Variants in FAF2 observed in about 807,000 individuals in gnomAD.
The protein encoded by FAF2 is FAS-associated factor 2.
In FAF2, 9 loss-of-function variants were observed where a neutral mutation model predicts 62.3. That is an observed-to-expected ratio of 0.14 (90% confidence interval 0.09 to 0.25). The LOEUF is 0.25. Among genes scored for constraint, FAF2 ranks in the 10% least tolerant of loss-of-function variants. The probability of loss-of-function intolerance (pLI) is 1.00; values close to 1 mark genes in which losing one functional copy is unlikely to be tolerated. For synonymous variants in FAF2, 202 were observed against 198.0 expected, an observed-to-expected ratio of 1.02 and a Z score of -0.17; for missense variants, 368 against 556.2, an observed-to-expected ratio of 0.66 and a Z score of 3.40.
rs1171847331 is a variant in FAF2, at chr5:176,508,179, T to C, written c.*1229T>C. On this transcript the variant is annotated 3_prime_UTR_variant, in exon 11 of 11. Coordinates refer to ENST00000261942, the MANE Select transcript of FAF2 (RefSeq NM_014613.3). Reference sequence around the variant, plus strand: ...AGGCAGCTTTTATCCTTTCTCTCTATTGCTATGTTGAAGTAATAGGGTTTT... The same window carrying C: ...AGGCAGCTTTTATCCTTTCTCTCTACTGCTATGTTGAAGTAATAGGGTTTT... The C allele has an allele frequency of 6.6e-6, 1 of 152,594 alleles. No homozygotes were observed. The highest frequency in any genetic ancestry group is 2.4e-5 in the African/African-American group (1 of 41,452). 9.5% of individuals were successfully genotyped at this position (152,594 alleles called of 1,614,324 possible).
chr5:176,448,902 T>C (rs2113710130), intron 1 of FAF2, among the ~76,000 whole-genome samples: 1 of 152,088 alleles, frequency 6.6e-6, no homozygotes, highest in Non-Finnish European at 1.5e-5. Flanking sequence ...CCACATACAC[T>C]CCCACAAACT....
chr5:176,489,048 G>T, intron 4 of FAF2, 21 bp downstream of exon 4: 1 of 1,585,724 alleles, frequency 6.3e-7, no homozygotes. Context: ...TTGGATTTAT[G>T]TATTAGTAGA....
At chr5:176,474,304 C>G (rs1758622794) in intron 1 of FAF2, among the ~76,000 whole-genome samples, 1 of 152,174 alleles carries the variant, frequency 6.6e-6, no homozygotes, top group Non-Finnish European at 1.5e-5. Flanking sequence ...CTTAATTGTT[C>G]AAATCTGGGA....
intron 1 of FAF2, among the ~76,000 whole-genome samples, chr5:176,478,959 T>G (rs1242839109): frequency 6.6e-6 from 1 of 152,240 alleles, no homozygotes; most frequent in Non-Finnish European, 1.5e-5. Flanking sequence ...AGTACTCCTC[T>G]TAATTGAAAG....
At chr5:176,473,680 C>G (rs1230561009) in intron 1 of FAF2, among the ~76,000 whole-genome samples, 1 of 152,232 alleles carries the variant, frequency 6.6e-6, no homozygotes, top group East Asian at 1.9e-4. Flanking sequence ...TTTATTTATT[C>G]AGCCATGTAT....
chr5:176,474,489 G>A (rs1298093227), intron 1 of FAF2, among the ~76,000 whole-genome samples: 2 of 152,106 alleles, frequency 1.3e-5, no homozygotes, highest in African/African-American at 4.8e-5. Context: ...ATATTTTCTA[G>A]ACAATTAGAT....
At chr5:176,454,951 T>C (rs567828504) in intron 1 of FAF2, among the ~76,000 whole-genome samples, 1 of 152,352 alleles carries the variant, frequency 6.6e-6, no homozygotes, top group African/African-American at 2.4e-5. Flanking sequence ...GTGTGCTGGT[T>C]ATGTTTGTCA....
chr5:176,503,272 C>T (rs942697627), intron 10 of FAF2, among the ~76,000 whole-genome samples: 14 of 151,742 alleles, frequency 9.2e-5, no homozygotes, highest in African/African-American at 2.7e-4. Context: ...GACCTTGTGT[C>T]GGCCGGGTGC....
At chr5:176,488,178 A>G (rs1758907281) in intron 3 of FAF2, among the ~76,000 whole-genome samples, 1 of 152,092 alleles carries the variant, frequency 6.6e-6, no homozygotes, top group Non-Finnish European at 1.5e-5. Flanking sequence ...GGGTTTTACC[A>G]TGTTGACCAG....
intron 1 of FAF2, among the ~76,000 whole-genome samples, chr5:176,468,846 A>T (rs1003045826): frequency 1.3e-5 from 2 of 152,010 alleles, no homozygotes; most frequent in African/African-American, 4.8e-5. Context: ...TGGGAGGCTG[A>T]GGCAGAAGGA....
intron 1 of FAF2, among the ~76,000 whole-genome samples, chr5:176,457,792 T>C (rs565531825): frequency 1.3e-5 from 2 of 152,202 alleles, no homozygotes; most frequent in African/African-American, 4.8e-5. Flanking sequence ...ATGAAAACTT[T>C]CTCACAGTCC....
intron 5 of FAF2, 125 bp downstream of exon 5, chr5:176,492,457 AT>A (rs1397798545): frequency 1.2e-5 from 13 of 1,061,126 alleles, no homozygotes; most frequent in East Asian, 8.5e-5. Flanking sequence ...TTCACTGCTT[AT>A]AGGGGTGGGT....
chr5:176,493,620 G>C (rs956623418), intron 5 of FAF2, among the ~76,000 whole-genome samples: 26 of 152,216 alleles, frequency 1.7e-4, no homozygotes, highest in African/African-American at 6.3e-4. Flanking sequence ...CTGTGAAGTA[G>C]AAAAATTCTC....
Position 176,479,190 on chromosome 5 carries a change from T to C in FAF2, c.66T>C (p.Asp22=). The change falls in exon 2 of 11, where the codon GAT becomes GAC. Residue 22 remains aspartate, a splice_region_variant and synonymous_variant. Transcript: ENST00000261942. The part of the protein sequence containing the change: ...EQTEKLLQFQ[D]LTGIESMDQC... The stretch of plus-strand genomic sequence containing the variant: ...CTTGTTTTCATCCTTCTTTTCAGGA[T>C]CTCACTGGCATCGAATCTATGGATC... 1 of 1,613,796 alleles carries C rather than the reference T, an allele frequency of 6.2e-7. No individual in the cohort carries two copies. The highest frequency in any genetic ancestry group is 8.5e-7 in the Non-Finnish European group (1 of 1,179,758).
intron 4 of FAF2, 149 bp from the exon 5 acceptor site, chr5:176,492,045 A>C: frequency 1.2e-6 from 1 of 833,386 alleles, no homozygotes; most frequent in Non-Finnish European, 2.0e-6. Flanking sequence ...ACCAGACTCT[A>C]CTCTCGGATT....
intron 1 of FAF2, among the ~76,000 whole-genome samples, chr5:176,449,816 A>G (rs1184487577): frequency 6.6e-6 from 1 of 152,222 alleles, no homozygotes; most frequent in African/African-American, 2.4e-5. Flanking sequence ...CCCACTTACT[A>G]TTTCAGATGT....
chr5:176,451,829 CAT>C (rs869212519), intron 1 of FAF2, among the ~76,000 whole-genome samples: 4,145 of 21,974 alleles, frequency 0.19, 774 homozygotes, highest in Middle Eastern at 0.39. Context: ...TATATATATA[CAT>C]ATATATATAT....
At chr5:176,464,565 T>C (rs1755504881) in intron 1 of FAF2, among the ~76,000 whole-genome samples, 1 of 140,888 alleles carries the variant, frequency 7.1e-6, no homozygotes, top group Non-Finnish European at 1.5e-5. Context: ...CAACCATAGC[T>C]CACTGTAGCC....
chr5:176,467,216 C>T (rs185584720), intron 1 of FAF2, among the ~76,000 whole-genome samples: 57 of 146,640 alleles, frequency 3.9e-4, no homozygotes, highest in African/African-American at 9.6e-4. Flanking sequence ...ATTAGACACT[C>T]GGCCCTGAAA....
Sources: gnomAD v4.1 joint callset for allele counts (sites outside exome capture counted in the v4.1 genomes callset) on GRCh38, gnomAD v4.1.1 for gene constraint, MANE v1.5 for transcripts, NCBI Gene and HGNC (gene_info 2026-07-23, HGNC 2026-07-21) for gene names.